SASH1: variants seen among roughly 807,000 people sequenced by gnomAD.
The protein encoded by SASH1 is SAM and SH3 domain-containing protein 1.
A neutral mutation model predicts 125.2 loss-of-function variants in SASH1; 44 were observed. The ratio of observed to expected loss-of-function variants is 0.35; its 90% CI spans 0.28 to 0.45. The LOEUF (loss-of-function observed/expected upper bound fraction) is 0.45, where lower values mean the gene tolerates loss of function less well. Ranked by LOEUF, SASH1 falls within the 20% of genes least tolerant of loss-of-function variation. The probability of loss-of-function intolerance (pLI) is 1.00; values close to 1 mark genes in which losing one functional copy is unlikely to be tolerated. For synonymous variants in SASH1, 639 were observed against 649.1 expected (o/e 0.98, Z 0.24); for missense variants, 1,426 against 1,614.5 (o/e 0.88, Z 2.00).
chr6:148,201,434 G>A, the SASH1 span, among the ~76,000 whole-genome samples: 1 of 152,142 alleles, frequency 6.6e-6, no homozygotes, highest in African/African-American at 2.4e-5. Flanking sequence ...CTCCTGGAAG[G>A]CCGATTAAAA....
chr6:148,487,804 C>G, intron 8 of SASH1, 89 bp downstream of exon 8: 1 of 934,752 alleles, frequency 1.1e-6, no homozygotes, highest in South Asian at 1.5e-5. Flanking sequence ...CTTTTCGAAA[C>G]TTCCGACTCG....
chr6:148,392,802 G>A (rs542513172), intron 2 of SASH1, among the ~76,000 whole-genome samples: 9 of 152,324 alleles, frequency 5.9e-5, no homozygotes, highest in East Asian at 1.9e-4. Flanking sequence ...CCAGGTGGGC[G>A]GCAGTGTTGT....
intron 1 of SASH1, among the ~76,000 whole-genome samples, chr6:148,335,300 G>GAA (rs1233690813): frequency 2.3e-5 from 3 of 130,954 alleles, no homozygotes; most frequent in South Asian, 2.5e-4. Context: ...TCTGTCTCAG[G>GAA]AAAAAAAAAA....
intron 1 of SASH1, among the ~76,000 whole-genome samples, chr6:148,346,863 G>A (rs771033350): frequency 1.3e-5 from 2 of 152,172 alleles, no homozygotes; most frequent in African/African-American, 4.8e-5. Context: ...CTTGTGAAAT[G>A]TGCCATTCTG....
intron 1 of SASH1, among the ~76,000 whole-genome samples, chr6:148,318,940 A>G (rs1026442081): frequency 1.3e-5 from 2 of 149,992 alleles, no homozygotes; most frequent in East Asian, 4.0e-4. Flanking sequence ...TAATCTGTAG[A>G]TATTATTCCT....
intron 1 of SASH1, among the ~76,000 whole-genome samples, chr6:148,334,164 C>T (rs1226733679): frequency 2.3e-4 from 33 of 142,718 alleles, no homozygotes; most frequent in Non-Finnish European, 9.1e-5. Flanking sequence ...CTGGCTCACG[C>T]TTGTAATCCC....
chr6:148,519,738 A>G lies in SASH1; in HGVS notation c.1054A>G (p.Lys352Glu). The stretch of plus-strand genomic sequence containing the variant: ...CTGGGGGGCTGGCCGGAAGTTGGTC[A>G]AAACCTTCAGCAAAGGAGAGAGCCG... ...DTWGAGRKLV[K>E]TFSKGESRGL... The change falls in exon 10 of 20, where the codon AAA (lysine) becomes GAA (glutamate). Residue 352 changes from lysine (K) to glutamate (E), a missense_variant. This residue lies in a region of SASH1 where 567 missense variants were observed against 575.6 expected (regional missense o/e 0.99). Transcript: ENST00000367467. The surrounding 1 kb of genome is among the most constrained non-coding windows in gnomAD (Gnocchi z 4.8). 1 of 1,614,128 alleles carries G rather than the reference A, an allele frequency of 6.2e-7. No homozygotes were observed.
At chr6:148,258,373 G>T in the SASH1 span, among the ~76,000 whole-genome samples, 1 of 152,042 alleles carries the variant, frequency 6.6e-6, no homozygotes, top group Non-Finnish European at 1.5e-5. Flanking sequence ...TTTGGACCAG[G>T]CTGCACTAAG....
chr6:148,357,007 T>G (rs892498834), intron 1 of SASH1, among the ~76,000 whole-genome samples: 1 of 152,250 alleles, frequency 6.6e-6, no homozygotes, highest in Admixed American at 6.5e-5. Flanking sequence ...TCTATTCATG[T>G]ACTTAGCCCA....
chr6:148,283,151 A>G (rs1779389068), intron 1 of SASH1, among the ~76,000 whole-genome samples: 1 of 152,232 alleles, frequency 6.6e-6, no homozygotes, highest in South Asian at 2.1e-4. Context: ...GCAGCTGGTC[A>G]AACTAGTGAC....
intron 1 of SASH1, among the ~76,000 whole-genome samples, chr6:148,293,299 A>G (rs958071141): frequency 6.6e-6 from 1 of 152,128 alleles, no homozygotes; most frequent in African/African-American, 2.4e-5. Flanking sequence ...TTTTCTCCTC[A>G]GGCTTGGCTC....
intron 2 of SASH1, among the ~76,000 whole-genome samples, chr6:148,396,497 A>G (rs1003754321): frequency 1.1e-4 from 17 of 151,622 alleles, no homozygotes; most frequent in African/African-American, 3.9e-4. Context: ...AAAAAAAAAA[A>G]AAAAAAGAAA....
intron 4 of SASH1, among the ~76,000 whole-genome samples, chr6:148,460,704 T>A (rs1404373782): frequency 6.6e-6 from 1 of 152,110 alleles, no homozygotes; most frequent in Non-Finnish European, 1.5e-5. Flanking sequence ...TATAATAACA[T>A]GAGAATAATG....
chr6:148,200,156 C>T, the SASH1 span, among the ~76,000 whole-genome samples: 60,420 of 152,078 alleles, frequency 0.4, 12,120 homozygotes, highest in Middle Eastern at 0.42. Context: ...GCAAATATAG[C>T]AGTTGTGACT....
intron 1 of SASH1, among the ~76,000 whole-genome samples, chr6:148,337,523 C>T (rs1341313684): frequency 6.6e-6 from 1 of 151,946 alleles, no homozygotes; most frequent in Non-Finnish European, 1.5e-5. Flanking sequence ...CATGCCTGGC[C>T]CTTAATTTCT....
the SASH1 span, among the ~76,000 whole-genome samples, chr6:148,249,316 G>T: frequency 3.0e-5 from 4 of 135,558 alleles, no homozygotes; most frequent in African/African-American, 1.2e-4. Context: ...AGATGTGAGT[G>T]CATGTGCACG....
intron 19 of SASH1, among the ~76,000 whole-genome samples, 176 bp downstream of exon 19, chr6:148,546,322 GA>G (rs144729413): frequency 2.9e-4 from 43 of 148,290 alleles, no homozygotes; most frequent in Admixed American, 1.1e-3. Flanking sequence ...CTTTCAGAAA[GA>G]AAAAAAAAAT....
intron 1 of SASH1, among the ~76,000 whole-genome samples, chr6:148,351,500 G>T (rs976809707): frequency 6.6e-6 from 1 of 151,910 alleles, no homozygotes; most frequent in Non-Finnish European, 1.5e-5. Flanking sequence ...CCATCACTCT[G>T]CCTGGTTGTG....
upstream of SASH1, among the ~76,000 whole-genome samples, chr6:148,339,106 C>T (rs565691182): frequency 7.9e-5 from 12 of 151,420 alleles, no homozygotes; most frequent in East Asian, 5.8e-4. Flanking sequence ...AGAAAAGAGT[C>T]GTCAATCTTG....
Sources: allele counts gnomAD v4.1 joint callset (sites outside exome capture counted in the v4.1 genomes callset), GRCh38; gene constraint gnomAD v4.1.1; regional missense constraint gnomAD v4.1.1; non-coding constraint Gnocchi (gnomAD v3.1); transcripts MANE v1.5; gene names NCBI Gene and HGNC (gene_info 2026-07-23, HGNC 2026-07-21).